The following SEL1L3 variants were observed in gnomAD, a reference collection of about 807,000 sequenced individuals.
SEL1L3 encodes protein sel-1 homolog 3.
In SEL1L3, 76 loss-of-function variants were observed where a neutral mutation model predicts 142.8. That is an observed-to-expected ratio of 0.53 (90% CI 0.44 to 0.64). The LOEUF (loss-of-function observed/expected upper bound fraction) is 0.64. SEL1L3 is among the 30% of genes least tolerant of loss of function. The pLI is 0.00. For missense variants in SEL1L3, 1,262 were observed against 1,381.7 expected (o/e 0.91, Z 1.37); for synonymous variants, 504 against 519.6 (o/e 0.97, Z 0.41).
intron 2 of SEL1L3, among the ~76,000 whole-genome samples, chr4:25,839,228 T>G (rs1474642348): frequency 6.6e-6 from 1 of 152,182 alleles, no homozygotes; most frequent in African/African-American, 2.4e-5. Context: ...CTAGCAGATA[T>G]GATTTAGGTC....
the SEL1L3 span, among the ~76,000 whole-genome samples, chr4:25,722,783 T>C: frequency 6.6e-6 from 1 of 152,078 alleles, no homozygotes; most frequent in South Asian, 2.1e-4. Context: ...ATTACCTGTT[T>C]ACTCAGTAGT....
At chr4:25,795,194 C>G (rs961028192) in intron 11 of SEL1L3, among the ~76,000 whole-genome samples, 3 of 152,058 alleles carry the variant, frequency 2.0e-5, no homozygotes, top group Non-Finnish European at 2.9e-5. Context: ...TGCACCTGTA[C>G]CCCGGAACAT....
chr4:25,737,063 C>A, the SEL1L3 span, among the ~76,000 whole-genome samples: 2 of 151,748 alleles, frequency 1.3e-5, no homozygotes, highest in Non-Finnish European at 2.9e-5. Context: ...CGGCTCACTG[C>A]AACCTCCGCC....
intron 9 of SEL1L3, among the ~76,000 whole-genome samples, chr4:25,816,241 A>G (rs1044280622): frequency 6.6e-6 from 1 of 151,364 alleles, no homozygotes; most frequent in Non-Finnish European, 1.5e-5. Context: ...TATATAGATC[A>G]ATTTATTGAA....
chr4:25,765,675 G>A (rs547491081), intron 19 of SEL1L3, among the ~76,000 whole-genome samples: 3 of 151,848 alleles, frequency 2.0e-5, no homozygotes, highest in South Asian at 2.1e-4. Flanking sequence ...TAGGGTCTCC[G>A]CTGCCTAGGC....
intron 17 of SEL1L3, among the ~76,000 whole-genome samples, chr4:25,770,837 G>A (rs7653919): frequency 2.0e-5 from 3 of 151,626 alleles, no homozygotes; most frequent in East Asian, 1.9e-4. Flanking sequence ...CACCCAATGC[G>A]TGTACCACCA....
chr4:25,818,095 C>A (rs764272255), intron 9 of SEL1L3, 43 bp downstream of exon 9: 2 of 1,586,068 alleles, frequency 1.3e-6, no homozygotes, highest in South Asian at 2.3e-5. Context: ...AAACAAGGAG[C>A]CTTTCTAACC....
chr4:25,756,356 C>T, intron 23 of SEL1L3: 4 of 985,370 alleles, frequency 4.1e-6, no homozygotes, highest in Non-Finnish European at 4.8e-6. Flanking sequence ...TCCTCTTACT[C>T]AGCTTATGGT....
intron 2 of SEL1L3, among the ~76,000 whole-genome samples, chr4:25,838,874 C>T (rs1448155797): frequency 6.6e-6 from 1 of 152,206 alleles, no homozygotes; most frequent in Non-Finnish European, 1.5e-5. Flanking sequence ...GACACAGATC[C>T]CTTGCTTGGG....
intron 15 of SEL1L3, among the ~76,000 whole-genome samples, chr4:25,780,865 G>A (rs867759501): frequency 4.8e-5 from 7 of 147,260 alleles, no homozygotes; most frequent in Non-Finnish European, 6.0e-5. Context: ...TTGCTCTGTC[G>A]CTCAGGCTGG....
chr4:25,726,519 C>T, the SEL1L3 span, among the ~76,000 whole-genome samples: 193 of 121,880 alleles, frequency 1.6e-3, no homozygotes, highest in African/African-American at 5.9e-3. Flanking sequence ...CAGAGCAAGA[C>T]TTGGTCTCAA....
the SEL1L3 span, chr4:25,718,285 C>T: frequency 7.2e-5 from 11 of 152,060 alleles, no homozygotes; most frequent in Non-Finnish European, 1.5e-5. Context: ...ATAATAGTGA[C>T]ATTTGATCAG....
chr4:25,840,636 A>G (rs1262225472), intron 2 of SEL1L3, among the ~76,000 whole-genome samples: 2 of 152,158 alleles, frequency 1.3e-5, no homozygotes, highest in Non-Finnish European at 2.9e-5. Flanking sequence ...GCATTTAAGA[A>G]CCTTCCAAGA....
intron 11 of SEL1L3, among the ~76,000 whole-genome samples, chr4:25,795,459 T>TG (rs1712667524): frequency 6.6e-6 from 1 of 152,146 alleles, no homozygotes; most frequent in African/African-American, 2.4e-5. Flanking sequence ...GGACTAGAAC[T>TG]GGGGGAGGGT....
chr4:25,803,229 C>T (rs73810130), intron 10 of SEL1L3, among the ~76,000 whole-genome samples: 3,958 of 152,328 alleles, frequency 0.026, 174 homozygotes, highest in African/African-American at 0.09. Context: ...AAGGGGAAGT[C>T]GATTGTCCAT....
intron 15 of SEL1L3, among the ~76,000 whole-genome samples, chr4:25,781,267 T>C (rs1008733824): frequency 6.6e-6 from 1 of 152,176 alleles, no homozygotes; most frequent in East Asian, 1.9e-4. Context: ...CAGGGACTGT[T>C]TTGCCTGCTA....
At chr4:25,776,901 A>C (rs1031882979) in intron 16 of SEL1L3, among the ~76,000 whole-genome samples, 20 of 151,648 alleles carry the variant, frequency 1.3e-4, no homozygotes, top group African/African-American at 2.9e-4. Context: ...AAGGCACAAA[A>C]ACCCCCCCAC....
At chr4:25,835,151 AAAAC>A in intron 3 of SEL1L3, 42 bp downstream of exon 3, 1 of 1,606,924 alleles carries the variant, frequency 6.2e-7, no homozygotes, top group South Asian at 1.1e-5. Flanking sequence ...GTCCTCAAAT[AAAAC>A]AAGCACCGCC....
At chr4:25,817,919 G>T (rs906105590) in intron 9 of SEL1L3, among the ~76,000 whole-genome samples, 1 of 152,196 alleles carries the variant, frequency 6.6e-6, no homozygotes, top group Non-Finnish European at 1.5e-5. Context: ...TTGCTTGAGC[G>T]ATTCCTAAAT....
Sources: gnomAD v4.1 joint callset for allele counts (sites outside exome capture counted in the v4.1 genomes callset) on GRCh38, gnomAD v4.1.1 for gene constraint, MANE v1.5 for transcripts, NCBI Gene and HGNC (gene_info 2026-07-23, HGNC 2026-07-21) for gene names.